The following PTPRT variants were observed in gnomAD, a reference collection of about 807,000 sequenced individuals.
The protein encoded by PTPRT is receptor-type tyrosine-protein phosphatase T.
A neutral mutation model predicts 176.8 loss-of-function variants in PTPRT; 56 were observed. The observed-to-expected ratio is 0.32, with a 90% CI of 0.26 to 0.40. The LOEUF (loss-of-function observed/expected upper bound fraction) is 0.40, where lower values mean the gene tolerates loss of function less well. Ranked by LOEUF, PTPRT falls within the 10% of genes least tolerant of loss-of-function variation. The pLI, the probability that PTPRT is intolerant of heterozygous loss-of-function variation, is 1.00. For missense variants in PTPRT, 1,540 were observed against 1,908.2 expected, an observed-to-expected ratio of 0.81 and a Z score of 3.60; for synonymous variants, 783 against 739.0, an observed-to-expected ratio of 1.06 and a Z score of -0.96.
At chr20:42,784,090 T>C (rs2077254781) in intron 3 of PTPRT, among the ~76,000 whole-genome samples, 1 of 152,054 alleles carries the variant, frequency 6.6e-6, no homozygotes, top group Non-Finnish European at 1.5e-5. Flanking sequence ...CTGGTGCGGG[T>C]GTTGAAGAGA....
intron 1 of PTPRT, among the ~76,000 whole-genome samples, chr20:43,109,321 C>T (rs2012758947): frequency 6.6e-6 from 1 of 152,130 alleles, no homozygotes; most frequent in East Asian, 1.9e-4. Flanking sequence ...TTGCTGATTG[C>T]TTGGATGGAA....
rs1416416408 is a variant in PTPRT, at chr20:42,861,056, T to TCCCAG, written c.214+24746_214+24750dup. 2.0e-5 allele frequency among the ~76,000 whole-genome samples: 3 copies of TCCCAG among 152,340 alleles called. No homozygotes were observed. In the East Asian group the frequency reaches 5.8e-4, roughly 29 times the overall value. ...GACATAGTGGTCTGTAGTCTGTATC[T>TCCCAG]CCCAGGCTTCCTTACTCTCTGCTTC... On this transcript the variant is annotated intron_variant, in intron 2 of 30. Coordinates refer to ENST00000373187, the MANE Select transcript of PTPRT (RefSeq NM_007050.6).
intron 7 of PTPRT, among the ~76,000 whole-genome samples, chr20:42,520,933 C>G (rs1395900539): frequency 1.3e-5 from 2 of 151,466 alleles, no homozygotes; most frequent in East Asian, 3.9e-4. Flanking sequence ...ATCTATCTAC[C>G]TATCATCTAT....
chr20:42,307,793 T>C (rs2057565894), intron 12 of PTPRT, among the ~76,000 whole-genome samples: 1 of 152,236 alleles, frequency 6.6e-6, no homozygotes, highest in South Asian at 2.1e-4. Flanking sequence ...GGCTGTATTC[T>C]CAGGAGGTTA....
intron 18 of PTPRT, among the ~76,000 whole-genome samples, chr20:42,138,157 C>G (rs1349852603): frequency 2.0e-5 from 3 of 152,180 alleles, no homozygotes; most frequent in Non-Finnish European, 2.9e-5. Flanking sequence ...TAATGAGTTC[C>G]CAGGTAACAC....
intron 7 of PTPRT, among the ~76,000 whole-genome samples, chr20:42,544,167 A>C (rs2072632343): frequency 6.6e-6 from 1 of 152,150 alleles, no homozygotes; most frequent in Non-Finnish European, 1.5e-5. Flanking sequence ...CTAGCTACGA[A>C]AGTCCTAGAT....
chr20:43,083,363 T>G (rs796230662), intron 1 of PTPRT, among the ~76,000 whole-genome samples: 2 of 70,326 alleles, frequency 2.8e-5, no homozygotes, highest in African/African-American at 9.4e-5. Flanking sequence ...TATATATATA[T>G]ATATATACAT....
intron 1 of PTPRT, among the ~76,000 whole-genome samples, chr20:43,024,562 C>A (rs1457642652): frequency 6.6e-6 from 1 of 150,382 alleles, no homozygotes; most frequent in Non-Finnish European, 1.5e-5. Flanking sequence ...TTTACTCCAG[C>A]CTGGGCAACA....
rs141939326 is a variant in PTPRT at position 42,112,731 on chromosome 20, G to A, written c.3100-2244C>T. 2.0e-5 allele frequency among the ~76,000 whole-genome samples: 3 copies of A among 152,188 alleles called. No individual in the cohort carries two copies. The East Asian group carries it at 5.8e-4, about 29-fold the overall frequency. ...CTGCAAACTCTCCCTAAACACATGA[G>A]CCAGGGCACCCAAACGACTGCTGCT... On this transcript the variant is annotated intron_variant, in intron 22 of 30. Transcript: ENST00000373187.
At chr20:42,186,079 A>G (rs1015792307) in intron 16 of PTPRT, among the ~76,000 whole-genome samples, 5 of 152,108 alleles carry the variant, frequency 3.3e-5, no homozygotes, top group African/African-American at 1.2e-4. Flanking sequence ...GGGGTCAGGA[A>G]AGGAAGAAAT....
intron 1 of PTPRT, among the ~76,000 whole-genome samples, chr20:43,164,455 C>G (rs561809083): frequency 1.6e-4 from 25 of 152,110 alleles, no homozygotes; most frequent in South Asian, 1.5e-3. Context: ...ATTAACACAC[C>G]CAAGCTTATG....
intron 2 of PTPRT, among the ~76,000 whole-genome samples, chr20:42,851,780 T>G (rs1025767776): frequency 6.6e-6 from 1 of 152,180 alleles, no homozygotes; most frequent in African/African-American, 2.4e-5. Context: ...GTGGCTATGT[T>G]TCAATACATT....
chr20:43,164,363 C>T (rs1432695585), intron 1 of PTPRT, among the ~76,000 whole-genome samples: 1 of 152,082 alleles, frequency 6.6e-6, no homozygotes, highest in Non-Finnish European at 1.5e-5. Flanking sequence ...GTGCTTTCTC[C>T]CCATTACATT....
intron 1 of PTPRT, among the ~76,000 whole-genome samples, chr20:42,907,465 G>GT (rs141380581): frequency 0.081 from 12,307 of 151,560 alleles, 1,473 homozygotes; most frequent in African/African-American, 0.26. Context: ...AAACATTGAA[G>GT]TTTTTTTTTA....
chr20:42,695,162 T>C (rs4812621), intron 6 of PTPRT, among the ~76,000 whole-genome samples: 55,324 of 152,106 alleles, frequency 0.36, 11,080 homozygotes, highest in African/African-American at 0.54. Flanking sequence ...AATATTTTCT[T>C]TCACTCTGTA....
At chr20:42,123,431 G>A (rs1245670897) in intron 19 of PTPRT, among the ~76,000 whole-genome samples, 1 of 152,180 alleles carries the variant, frequency 6.6e-6, no homozygotes, top group Non-Finnish European at 1.5e-5. Context: ...GCAACTTATA[G>A]ACATCAACAG....
intron 6 of PTPRT, among the ~76,000 whole-genome samples, chr20:42,683,582 A>G (rs1410038498): frequency 6.6e-6 from 1 of 152,156 alleles, no homozygotes; most frequent in African/African-American, 2.4e-5. Context: ...CCAGCCTTCA[A>G]TTACTTTTAA....
At position 43,123,325 on chromosome 20, in the gene PTPRT, T is replaced by G. The variant is rs547955648; in HGVS notation, c.88+66321A>C. On this transcript the variant is annotated intron_variant, in intron 1 of 30. Coordinates refer to ENST00000373187, the MANE Select transcript of PTPRT (RefSeq NM_007050.6). ...CCATGACCTATCTCACTTGAAACAC[T>G]TTCCACACTAGGTCTTTTAGAATGC... is the stretch of plus-strand genomic sequence containing the variant. Among the ~76,000 whole-genome samples the G allele has an allele frequency of 4.6e-5, 7 of 152,348 alleles. No homozygotes were observed. The South Asian group carries it at 1.5e-3, about 32-fold the overall frequency.
chr20:42,380,609 C>T (rs555925932), intron 9 of PTPRT, among the ~76,000 whole-genome samples: 22 of 152,296 alleles, frequency 1.4e-4, no homozygotes, highest in African/African-American at 4.6e-4. Context: ...GAAAGGGCTG[C>T]CAAAGGGGAA....
Sources: allele counts gnomAD v4.1 joint callset (sites outside exome capture counted in the v4.1 genomes callset), GRCh38; gene constraint gnomAD v4.1.1; transcripts MANE v1.5; gene names NCBI Gene and HGNC (gene_info 2026-07-23, HGNC 2026-07-21).